The following GALNT1 variants were observed in gnomAD, a reference collection of about 807,000 sequenced individuals.
The protein encoded by GALNT1 is polypeptide N-acetylgalactosaminyltransferase 1.
In GALNT1, 17 loss-of-function variants were observed where a neutral mutation model predicts 65.7. The observed-to-expected ratio is 0.26, with a 90% CI of 0.18 to 0.39. The LOEUF is 0.39. GALNT1 is among the 10% of genes least tolerant of loss of function. The pLI, the probability that GALNT1 is intolerant of heterozygous loss-of-function variation, is 1.00. For synonymous variants in GALNT1, 210 were observed against 219.7 expected, an observed-to-expected ratio of 0.96 and a Z score of 0.39; for missense variants, 460 against 672.8, an observed-to-expected ratio of 0.68 and a Z score of 3.50.
intron 1 of GALNT1, among the ~76,000 whole-genome samples, chr18:35,637,127 G>T (rs1236379587): frequency 1.3e-5 from 2 of 152,022 alleles, no homozygotes; most frequent in Non-Finnish European, 2.9e-5. Flanking sequence ...TGTTCCCCAA[G>T]ATACAACACA....
At position 35,631,575 on chromosome 18, in the gene GALNT1, C is replaced by G. The variant is rs1367716349; in HGVS notation, c.-103-22985C>G. The stretch of plus-strand genomic sequence containing the variant: ...CATATCTCAAAATAATAAGAGCTAT[C>G]TATGACAAACCCACAGCCAATATCA... On this transcript the variant is annotated intron_variant, in intron 1 of 11. Coordinates refer to ENST00000269195, the MANE Select transcript of GALNT1 (RefSeq NM_020474.4). Among the ~76,000 whole-genome samples the G allele has an allele frequency of 2.0e-5, 3 of 152,236 alleles. No homozygotes were observed. In the South Asian group the frequency reaches 6.2e-4, roughly 32 times the overall value.
intron 1 of GALNT1, among the ~76,000 whole-genome samples, chr18:35,653,715 A>G (rs1033641453): frequency 6.6e-6 from 1 of 152,202 alleles, no homozygotes; most frequent in Non-Finnish European, 1.5e-5. Flanking sequence ...CCTATGCTCA[A>G]ACTATCCCAA....
At chr18:35,644,449 C>T (rs1010641093) in intron 1 of GALNT1, among the ~76,000 whole-genome samples, 2 of 152,154 alleles carry the variant, frequency 1.3e-5, no homozygotes, top group Non-Finnish European at 2.9e-5. Flanking sequence ...AGACTGGAGC[C>T]GTACTCACTT....
chr18:35,657,960 GAAC>G (rs1400225641), intron 2 of GALNT1, among the ~76,000 whole-genome samples: 1 of 152,174 alleles, frequency 6.6e-6, no homozygotes, highest in African/African-American at 2.4e-5. Flanking sequence ...ATACTTGAAA[GAAC>G]AAATTCTCAG....
chr18:35,641,834 A>G lies in GALNT1; in HGVS notation c.-103-12726A>G, dbSNP rs556409168. 4.6e-5 allele frequency among the ~76,000 whole-genome samples: 7 copies of G among 152,346 alleles called. No individual in the cohort carries two copies. In the East Asian group the frequency reaches 1.3e-3, roughly 29 times the overall value. ...ACTGTGCCACCTAACAACCATACGTATATACTTTAGATCAGGGGTCGGTGT... is the reference window on the plus strand; with the variant it reads ...ACTGTGCCACCTAACAACCATACGTGTATACTTTAGATCAGGGGTCGGTGT... On this transcript the variant is annotated intron_variant, in intron 1 of 11. Coordinates refer to ENST00000269195, the MANE Select transcript of GALNT1 (RefSeq NM_020474.4).
intron 1 of GALNT1, among the ~76,000 whole-genome samples, chr18:35,650,389 G>A (rs969324059): frequency 5.9e-5 from 9 of 152,136 alleles, no homozygotes; most frequent in African/African-American, 9.7e-5. Flanking sequence ...GGATCGTGGC[G>A]AAATTAAAAT....
chr18:35,595,674 AT>A (rs57905305), intron 1 of GALNT1, among the ~76,000 whole-genome samples: 2 of 151,996 alleles, frequency 1.3e-5, no homozygotes, highest in Admixed American at 6.6e-5. Flanking sequence ...CAATAAGATA[AT>A]TTTTTTTACA....
chr18:35,698,026 G>T (rs1193979944), intron 9 of GALNT1, among the ~76,000 whole-genome samples: 1 of 152,182 alleles, frequency 6.6e-6, no homozygotes, highest in East Asian at 1.9e-4. Context: ...CTTTCATAGG[G>T]TGGCCAATGG....
rs540815801 is a variant in GALNT1, at chr18:35,595,357, T to TG, written c.-104+13496dup. Among the ~76,000 whole-genome samples the TG allele has an allele frequency of 1.3e-4, 20 of 152,258 alleles. No homozygotes were observed. The South Asian group carries it at 3.9e-3, about 30-fold the overall frequency. On this transcript the variant is annotated intron_variant, in intron 1 of 11. Coordinates refer to ENST00000269195, the MANE Select transcript of GALNT1 (RefSeq NM_020474.4). ...CTGATTTACTAGCAACTCCCAGACTTGTGGGAGGTGACAGTGGCTGATCCA... is the reference window on the plus strand; with the variant it reads ...CTGATTTACTAGCAACTCCCAGACTTGGTGGGAGGTGACAGTGGCTGATCCA...
chr18:35,615,953 AG>A (rs2046778607), intron 1 of GALNT1, among the ~76,000 whole-genome samples: 1 of 152,208 alleles, frequency 6.6e-6, no homozygotes, highest in Admixed American at 6.5e-5. Flanking sequence ...GTCTCTGTAA[AG>A]GCCAACAACT....
At chr18:35,657,689 T>A (rs992221562) in intron 2 of GALNT1, among the ~76,000 whole-genome samples, 2 of 152,156 alleles carry the variant, frequency 1.3e-5, no homozygotes, top group African/African-American at 4.8e-5. Context: ...AAAGTGTTTC[T>A]GATAGTTTGG....
At chr18:35,594,155 T>C (rs2046477386) in intron 1 of GALNT1, among the ~76,000 whole-genome samples, 1 of 151,970 alleles carries the variant, frequency 6.6e-6, no homozygotes. Flanking sequence ...GAAAGTTACC[T>C]TGGGAGAAAG....
At chr18:35,629,595 C>CCTA in intron 1 of GALNT1, among the ~76,000 whole-genome samples, 1 of 152,094 alleles carries the variant, frequency 6.6e-6, no homozygotes, top group Non-Finnish European at 1.5e-5. Context: ...AGAACCGGTA[C>CCTA]CAGCCACTGC....
intron 1 of GALNT1, among the ~76,000 whole-genome samples, chr18:35,638,357 G>A (rs919200815): frequency 6.6e-6 from 1 of 152,092 alleles, no homozygotes; most frequent in African/African-American, 2.4e-5. Context: ...AGCAGCTGTG[G>A]CCCTGACAAG....
At chr18:35,689,641 A>G (rs993306450) in intron 7 of GALNT1, among the ~76,000 whole-genome samples, 27 of 152,296 alleles carry the variant, frequency 1.8e-4, no homozygotes, top group Admixed American at 1.2e-3. Flanking sequence ...ACATTTAAAC[A>G]TAAATTTCAC....
chr18:35,617,561 C>T (rs976405791), intron 1 of GALNT1, among the ~76,000 whole-genome samples: 4 of 152,286 alleles, frequency 2.6e-5, no homozygotes, highest in Admixed American at 2.6e-4. Context: ...ACACATTTTC[C>T]CACTTGTGTT....
chr18:35,582,719 T>G (rs1190599241), intron 1 of GALNT1, among the ~76,000 whole-genome samples: 2 of 152,178 alleles, frequency 1.3e-5, no homozygotes, highest in Non-Finnish European at 2.9e-5. Flanking sequence ...CGCTGAGAGT[T>G]AGGAGGTCTT....
intron 2 of GALNT1, among the ~76,000 whole-genome samples, chr18:35,660,670 C>G (rs909920790): frequency 6.6e-6 from 1 of 152,142 alleles, no homozygotes; most frequent in Non-Finnish European, 1.5e-5. Flanking sequence ...AAAGTTTATA[C>G]TTACCATCTT....
rs186305694 is a variant in GALNT1, at chr18:35,586,788, T to C, written c.-104+4926T>C. Among the ~76,000 whole-genome samples, 27 of 152,302 alleles carry C rather than the reference T, an allele frequency of 1.8e-4. No homozygotes were observed. The East Asian group carries it at 4.8e-3, about 27-fold the overall frequency. On this transcript the variant is annotated intron_variant, in intron 1 of 11. Coordinates refer to ENST00000269195, the MANE Select transcript of GALNT1 (RefSeq NM_020474.4). ...AGACTGATTCCTCCTACACTTTTTT[T>C]CCCCCGTTATTTTAGCTGTTCTAGT...
Sources: allele counts gnomAD v4.1 joint callset (sites outside exome capture counted in the v4.1 genomes callset), GRCh38; gene constraint gnomAD v4.1.1; transcripts MANE v1.5; gene names NCBI Gene and HGNC (gene_info 2026-07-23, HGNC 2026-07-21).